Variants in PLCB1 observed in about 807,000 individuals in gnomAD.
PLCB1 encodes the protein phospholipase C beta 1.
PLCB1 carries 46 observed loss-of-function variants against 161.8 expected under a neutral mutation model. The ratio of observed to expected loss-of-function variants is 0.28; its 90% CI spans 0.22 to 0.36. PLCB1 has a LOEUF of 0.36. Among genes scored for constraint, PLCB1 ranks in the 10% least tolerant of loss-of-function variants. The pLI is 1.00. For synonymous variants in PLCB1, 517 were observed against 503.7 expected, an observed-to-expected ratio of 1.03 and a Z score of -0.35; for missense variants, 1,016 against 1,472.5, an observed-to-expected ratio of 0.69 and a Z score of 5.07.
At position 8,633,004 on chromosome 20, in the gene PLCB1, C is replaced by T. The variant is rs141538236; in HGVS notation, c.384+4573C>T. On this transcript the variant is annotated intron_variant, in intron 4 of 31. Coordinates refer to ENST00000338037, the MANE Select transcript of PLCB1 (RefSeq NM_015192.4). ...GGGAAATAATGGAAGCAAGCAGATTCGTTACCAAACTATTGAAATATTTAG... is the reference window on the plus strand; with the variant it reads ...GGGAAATAATGGAAGCAAGCAGATTTGTTACCAAACTATTGAAATATTTAG... 2.6e-3 allele frequency among the ~76,000 whole-genome samples: 394 copies of T among 151,858 alleles called. 1 individual carries two copies. Among genetic ancestry groups the T allele is most frequent in the African/African-American group, 9.2e-3 (382 of 41,412 alleles).
At chr20:8,304,821 T>A (rs1984062430) in intron 2 of PLCB1, among the ~76,000 whole-genome samples, 2 of 152,040 alleles carry the variant, frequency 1.3e-5, no homozygotes, top group African/African-American at 4.8e-5. Flanking sequence ...AGAGAAAAAA[T>A]GAGGCACAGA....
At chr20:8,873,712 T>G (rs1036715618) in intron 31 of PLCB1, among the ~76,000 whole-genome samples, 1 of 152,094 alleles carries the variant, frequency 6.6e-6, no homozygotes, top group East Asian at 1.9e-4. Flanking sequence ...TTTTTTCACT[T>G]ATCACAAAAA....
chr20:8,416,713 T>C (rs1239817434), intron 3 of PLCB1, among the ~76,000 whole-genome samples: 1 of 152,046 alleles, frequency 6.6e-6, no homozygotes, highest in Non-Finnish European at 1.5e-5. Context: ...TGGAAGGATT[T>C]GAGCCAAGTT....
chr20:8,662,051 A>C (rs1280913450), intron 9 of PLCB1, among the ~76,000 whole-genome samples: 3 of 9,774 alleles, frequency 3.1e-4, no homozygotes, highest in Non-Finnish European at 7.1e-4. Flanking sequence ...AATTATATAT[A>C]ATTATATATT....
chr20:8,535,092 TAG>T (rs1304791633), intron 3 of PLCB1, among the ~76,000 whole-genome samples: 1 of 132,512 alleles, frequency 7.5e-6, no homozygotes, highest in Non-Finnish European at 1.6e-5. Context: ...ATATAATTTT[TAG>T]AGTTTTAAAG....
intron 3 of PLCB1, among the ~76,000 whole-genome samples, chr20:8,467,492 C>T (rs531545436): frequency 4.6e-5 from 7 of 152,224 alleles, no homozygotes; most frequent in Non-Finnish European, 8.8e-5. Context: ...ACCTTGCTAA[C>T]AGTCAAGTTA....
In PLCB1 at chr20:8,733,281, G is replaced by A. The variant is rs745933305; in HGVS notation, c.1932G>A (p.Gly644=). ...ATATGGGGATGTATGAATACAACGG[G>A]AAGAGTGGCTACAGATTGAAGCCAG... ...QINMGMYEYN[G]KSGYRLKPEF... is the part of the protein sequence containing the mutation. The change falls in exon 19 of 32, where the codon GGG becomes GGA. Residue 644 remains glycine, a synonymous_variant. Coordinates refer to ENST00000338037, the MANE Select transcript of PLCB1 (RefSeq NM_015192.4). 6.2e-7 allele frequency: 1 copy of A among 1,614,004 alleles called. No individual in the cohort carries two copies.
At chr20:8,172,273 T>A (rs2123070925) in intron 2 of PLCB1, among the ~76,000 whole-genome samples, 1 of 152,310 alleles carries the variant, frequency 6.6e-6, no homozygotes, top group East Asian at 1.9e-4. Context: ...TAGTGGTAAC[T>A]GTTTTACATA....
At chr20:8,391,821 A>G (rs1987611152) in intron 3 of PLCB1, among the ~76,000 whole-genome samples, 1 of 137,358 alleles carries the variant, frequency 7.3e-6, no homozygotes, top group African/African-American at 2.7e-5. Context: ...ATATATATAT[A>G]TATACACACA....
chr20:8,587,097 G>A (rs567376320), intron 3 of PLCB1, among the ~76,000 whole-genome samples: 8 of 152,034 alleles, frequency 5.3e-5, no homozygotes, highest in Admixed American at 3.3e-4. Context: ...TATTAGGTTT[G>A]TGTAATTGTG....
In PLCB1 at chr20:8,658,579, T is replaced by C. The variant is rs915149176; in HGVS notation, c.737T>C (p.Met246Thr). 3 of 1,612,512 alleles carry C rather than the reference T, an allele frequency of 1.9e-6. No individual in the cohort carries two copies. In the South Asian group the frequency reaches 3.3e-5, roughly 18 times the overall value. ...SKPYLTVDQM[M>T]DFINLKQRDP... is the part of the protein sequence containing the mutation. ...CCATATCTTACCGTTGATCAGATGA[T>C]GGATTTTATCAACCTTAAGCAGCGA... is the stretch of plus-strand genomic sequence containing the variant. The change falls in exon 9 of 32, where the codon ATG becomes ACG. Residue 246 changes from methionine to threonine, a missense_variant. By Grantham distance (81) the Met-to-Thr change is moderately conservative (BLOSUM62 -1). Transcript: ENST00000338037.
chr20:8,629,875 T>TTCTC (rs35542041), intron 4 of PLCB1, among the ~76,000 whole-genome samples: 14 of 83,456 alleles, frequency 1.7e-4, no homozygotes, highest in African/African-American at 3.5e-4. Context: ...CTTTCTTTCT[T>TTCTC]TCTCTCTCTC....
intron 2 of PLCB1, among the ~76,000 whole-genome samples, chr20:8,179,392 T>C (rs575861854): frequency 4.1e-4 from 62 of 152,312 alleles, no homozygotes; most frequent in African/African-American, 1.3e-3. Context: ...TCTTTTTTTG[T>C]GGCTACTGTG....
chr20:8,702,928 T>C (rs985210724), intron 11 of PLCB1, among the ~76,000 whole-genome samples: 1 of 152,190 alleles, frequency 6.6e-6, no homozygotes, highest in Non-Finnish European at 1.5e-5. Context: ...AGATGAAATT[T>C]AGTAATTTTT....
chr20:8,237,965 AAGAC>A (rs1980412132), intron 2 of PLCB1, among the ~76,000 whole-genome samples: 3 of 152,134 alleles, frequency 2.0e-5, no homozygotes, highest in Non-Finnish European at 2.9e-5. Context: ...TGGCCTTTGA[AAGAC>A]AGACAGATTT....
chr20:8,416,633 A>G (rs1979283086), intron 3 of PLCB1, among the ~76,000 whole-genome samples: 1 of 152,092 alleles, frequency 6.6e-6, no homozygotes, highest in African/African-American at 2.4e-5. Flanking sequence ...GATTCTGTAG[A>G]TATTGAGGAG....
chr20:8,194,298 C>T (rs1321955899), intron 2 of PLCB1, among the ~76,000 whole-genome samples: 1 of 151,932 alleles, frequency 6.6e-6, no homozygotes, highest in East Asian at 1.9e-4. Context: ...ATAATTATGG[C>T]ATGTGAAAAG....
At chr20:8,440,212 A>G (rs933948115) in intron 3 of PLCB1, among the ~76,000 whole-genome samples, 1 of 152,210 alleles carries the variant, frequency 6.6e-6, no homozygotes, top group African/African-American at 2.4e-5. Flanking sequence ...CCAGCAATCA[A>G]TGACTGAAAA....
intron 2 of PLCB1, among the ~76,000 whole-genome samples, chr20:8,281,679 C>T (rs1179073250): frequency 6.6e-6 from 1 of 152,058 alleles, no homozygotes; most frequent in Non-Finnish European, 1.5e-5. Context: ...GTTGCATTGC[C>T]TTTTACTTTT....
Sources: allele counts gnomAD v4.1 joint callset (sites outside exome capture counted in the v4.1 genomes callset), GRCh38; gene constraint gnomAD v4.1.1; transcripts MANE v1.5; gene names NCBI Gene and HGNC (gene_info 2026-07-23, HGNC 2026-07-21).